DCDC1: variants seen among roughly 807,000 people sequenced by gnomAD.
The protein encoded by DCDC1 is doublecortin domain containing 1.
A neutral mutation model predicts 178.3 loss-of-function variants in DCDC1; 200 were observed. The ratio of observed to expected loss-of-function variants is 1.12; its 90% CI spans 1.00 to 1.26. The LOEUF is 1.26. Ranked by LOEUF, DCDC1 falls within the 50% of genes most tolerant of loss-of-function variation. The pLI is 0.00. For missense variants in DCDC1, 1,983 were observed against 1,749.2 expected (o/e 1.13, Z -2.38); for synonymous variants, 690 against 604.8 (o/e 1.14, Z -2.07).
intron 2 of DCDC1, among the ~76,000 whole-genome samples, chr11:31,329,001 A>AACT (rs1949810543): frequency 1.1e-5 from 1 of 88,848 alleles, no homozygotes; most frequent in African/African-American, 4.3e-5. Context: ...TCTTTTTTGG[A>AACT]ACTTACCTTC....
chr11:31,315,304 CCCTT>C, intron 3 of DCDC1, among the ~76,000 whole-genome samples: 1 of 126,832 alleles, frequency 7.9e-6, no homozygotes, highest in Admixed American at 9.2e-5. Context: ...TATTTGCATA[CCCTT>C]TTTTTTTTTT....
chr11:31,185,745 T>A (rs1448026574), intron 9 of DCDC1, among the ~76,000 whole-genome samples: 1 of 152,172 alleles, frequency 6.6e-6, no homozygotes, highest in Non-Finnish European at 1.5e-5. Context: ...TTGCTAGCAT[T>A]ACATACAGAC....
chr11:31,088,310 T>C (rs569783390), intron 17 of DCDC1, among the ~76,000 whole-genome samples: 1 of 152,244 alleles, frequency 6.6e-6, no homozygotes, highest in East Asian at 1.9e-4. Context: ...TTATATTTAA[T>C]GCAATTATTG....
intron 7 of DCDC1, chr11:31,280,757 G>C: frequency 3.3e-6 from 2 of 597,858 alleles, no homozygotes; most frequent in South Asian, 2.9e-5. Flanking sequence ...TTTTATTCTA[G>C]GGATGTACTT....
chr11:31,262,987 C>A, intron 8 of DCDC1: 1 of 1,553,930 alleles, frequency 6.4e-7, no homozygotes, highest in Non-Finnish European at 8.8e-7. Flanking sequence ...GTGATAATAG[C>A]ACACTTCTGG....
intron 9 of DCDC1, among the ~76,000 whole-genome samples, chr11:31,165,076 C>T (rs1302563687): frequency 1.3e-5 from 2 of 152,122 alleles, no homozygotes; most frequent in African/African-American, 2.4e-5. Context: ...GGCTATACCA[C>T]ATAGGACAAA....
intron 1 of DCDC1, among the ~76,000 whole-genome samples, chr11:31,360,140 G>T (rs1166069425): frequency 6.6e-6 from 1 of 152,180 alleles, no homozygotes; most frequent in African/African-American, 2.4e-5. Context: ...GAGACTCTTT[G>T]TTATCAGAGA....
intron 20 of DCDC1, among the ~76,000 whole-genome samples, chr11:30,970,602 A>G (rs1949721776): frequency 6.6e-6 from 1 of 152,176 alleles, no homozygotes; most frequent in South Asian, 2.1e-4. Context: ...CCAACAGAGG[A>G]ACTGTCACAC....
chr11:30,935,545 CTGTT>C (rs113179033), intron 21 of DCDC1, among the ~76,000 whole-genome samples: 48 of 152,086 alleles, frequency 3.2e-4, no homozygotes, highest in African/African-American at 1.1e-3. Flanking sequence ...CCCATGTTTT[CTGTT>C]TGTTTGTTTG....
intron 9 of DCDC1, among the ~76,000 whole-genome samples, chr11:31,211,357 T>C (rs1972510030): frequency 6.6e-6 from 1 of 152,238 alleles, no homozygotes; most frequent in African/African-American, 2.4e-5. Context: ...AACAAGTATT[T>C]GTATACACAA....
chr11:31,180,376 G>T (rs931589739), intron 9 of DCDC1, among the ~76,000 whole-genome samples: 1 of 152,126 alleles, frequency 6.6e-6, no homozygotes, highest in Non-Finnish European at 1.5e-5. Context: ...ATATAACATA[G>T]ATATATATCA....
At chr11:31,277,780 G>C (rs1483551632) in intron 7 of DCDC1, among the ~76,000 whole-genome samples, 1 of 151,882 alleles carries the variant, frequency 6.6e-6, no homozygotes, top group Admixed American at 6.6e-5. Flanking sequence ...TTACTGTTGA[G>C]GTTTCAGAAA....
intron 17 of DCDC1, among the ~76,000 whole-genome samples, chr11:31,079,733 T>C (rs1957068671): frequency 1.3e-5 from 2 of 151,278 alleles, no homozygotes; most frequent in Non-Finnish European, 2.9e-5. Flanking sequence ...AGAAGTGAAG[T>C]GTATGAAGTA....
Position 30,894,418 on chromosome 11 carries a change from G to C in DCDC1, c.4766-34C>G, listed in dbSNP as rs767618322. The C allele has an allele frequency of 1.9e-6, 3 of 1,603,624 alleles. No homozygotes were observed. In the South Asian group the frequency reaches 3.4e-5, roughly 18 times the overall value. On this transcript the variant is annotated intron_variant, in intron 34 of 38. Coordinates refer to ENST00000684477, the MANE Select transcript of DCDC1 (RefSeq NM_001387274.1). ...ACAAGTCTCTAGAAATTTTGTTTCT[G>C]ATGATAGGCTTTCAGATTTCAAATA...
intron 9 of DCDC1, among the ~76,000 whole-genome samples, chr11:31,138,883 T>TATC (rs1963482940): frequency 6.6e-6 from 1 of 152,152 alleles, no homozygotes; most frequent in African/African-American, 2.4e-5. Context: ...TCTGATGATA[T>TATC]GAGACACAGC....
chr11:31,335,733 G>A (rs529927244), intron 1 of DCDC1, among the ~76,000 whole-genome samples, 169 bp from the exon 2 acceptor site: 1 of 152,234 alleles, frequency 6.6e-6, no homozygotes, highest in South Asian at 2.1e-4. Context: ...CCCAAGGGTT[G>A]GGGACCAGTA....
chr11:30,922,441 G>A, intron 24 of DCDC1, 62 bp downstream of exon 24: 1 of 1,418,082 alleles, frequency 7.1e-7, no homozygotes, highest in Non-Finnish European at 9.2e-7. Flanking sequence ...TTTTTAAAAA[G>A]CAATATCATC....
At chr11:31,176,780 AAAG>A (rs1382019266) in intron 9 of DCDC1, among the ~76,000 whole-genome samples, 9 of 152,172 alleles carry the variant, frequency 5.9e-5, no homozygotes, top group Non-Finnish European at 8.8e-5. Context: ...AATACTCAGC[AAAG>A]AATACTATAT....
At chr11:31,060,391 T>C (rs1955844159) in intron 20 of DCDC1, among the ~76,000 whole-genome samples, 1 of 152,108 alleles carries the variant, frequency 6.6e-6, no homozygotes, top group Non-Finnish European at 1.5e-5. Context: ...TTGTTACCAT[T>C]GAATTGGTAG....
Sources: gnomAD v4.1 joint callset for allele counts (sites outside exome capture counted in the v4.1 genomes callset) on GRCh38, gnomAD v4.1.1 for gene constraint, MANE v1.5 for transcripts, NCBI Gene and HGNC (gene_info 2026-07-23, HGNC 2026-07-21) for gene names.